The following TAFA2 variants were observed in gnomAD, a reference collection of about 807,000 sequenced individuals.
The protein encoded by TAFA2 is TAFA chemokine like family member 2, also known as chemokine-like protein TAFA-2.
A neutral mutation model predicts 18.8 loss-of-function variants in TAFA2; 7 were observed. That is an observed-to-expected ratio of 0.37 (90% CI 0.21 to 0.70). TAFA2 has a LOEUF of 0.70. Ranked by LOEUF, TAFA2 falls within the 30% of genes least tolerant of loss-of-function variation. The pLI is 0.53. For missense variants in TAFA2, 122 were observed against 158.1 expected, an observed-to-expected ratio of 0.77 and a Z score of 1.23; for synonymous variants, 60 against 54.2, an observed-to-expected ratio of 1.11 and a Z score of -0.47.
chr12:62,235,136 G>GA (rs1237486242), intron 1 of TAFA2: 6 of 652,562 alleles, frequency 9.2e-6, no homozygotes, highest in Non-Finnish European at 1.8e-5. Context: ...GGGGCCCACT[G>GA]AAAATCATCA....
intron 1 of TAFA2, among the ~76,000 whole-genome samples, chr12:62,081,110 G>C (rs1204939164): frequency 6.6e-6 from 1 of 152,124 alleles, no homozygotes. Flanking sequence ...CAGGAGAACA[G>C]CGTGAACCCG....
chr12:61,910,594 G>A (rs1394879061), intron 1 of TAFA2, among the ~76,000 whole-genome samples: 2 of 152,136 alleles, frequency 1.3e-5, no homozygotes, highest in Non-Finnish European at 2.9e-5. Flanking sequence ...TGCCATCAAG[G>A]AGCTCCCATT....
intron 4 of TAFA2, among the ~76,000 whole-genome samples, chr12:61,715,643 C>T (rs533041543): frequency 9.9e-5 from 15 of 151,970 alleles, no homozygotes; most frequent in African/African-American, 2.4e-4. Context: ...TGAGCCACCG[C>T]GCCCAGCCAA....
intron 1 of TAFA2, among the ~76,000 whole-genome samples, chr12:62,017,566 G>C (rs1419196575): frequency 6.6e-6 from 1 of 152,102 alleles, no homozygotes; most frequent in Non-Finnish European, 1.5e-5. Context: ...CAAGACCTAA[G>C]AGTTGGCCAC....
At chr12:62,201,168 G>A (rs1184439585) in intron 1 of TAFA2, among the ~76,000 whole-genome samples, 1 of 152,098 alleles carries the variant, frequency 6.6e-6, no homozygotes, top group African/African-American at 2.4e-5. Flanking sequence ...CTAGATATAG[G>A]ATCATGTTAT....
chr12:61,761,839 T>G (rs948170780), intron 2 of TAFA2, among the ~76,000 whole-genome samples: 1 of 152,076 alleles, frequency 6.6e-6, no homozygotes. Flanking sequence ...AATCCCATGC[T>G]GAAATGTAAT....
At chr12:61,804,845 C>T (rs1004422679) in intron 2 of TAFA2, among the ~76,000 whole-genome samples, 1 of 152,056 alleles carries the variant, frequency 6.6e-6, no homozygotes, top group African/African-American at 2.4e-5. Context: ...ATTTACCTAA[C>T]ATACACACCT....
At chr12:62,038,058 T>C (rs1881656694) in intron 1 of TAFA2, among the ~76,000 whole-genome samples, 1 of 151,996 alleles carries the variant, frequency 6.6e-6, no homozygotes, top group Non-Finnish European at 1.5e-5. Context: ...AAAAATCAAA[T>C]ACACAGAGAG....
intron 1 of TAFA2, among the ~76,000 whole-genome samples, chr12:62,116,644 C>T (rs1486887835): frequency 6.6e-6 from 1 of 152,158 alleles, no homozygotes; most frequent in East Asian, 1.9e-4. Flanking sequence ...TTCTCACGTA[C>T]ATCTGTGATG....
chr12:62,251,406 A>C (rs562073106), intron 1 of TAFA2, among the ~76,000 whole-genome samples: 32 of 152,276 alleles, frequency 2.1e-4, no homozygotes, highest in African/African-American at 6.7e-4. Context: ...GGAAATAGAG[A>C]GTTTAGAAAT....
intron 1 of TAFA2, among the ~76,000 whole-genome samples, chr12:62,203,187 C>T (rs185459269): frequency 1.3e-5 from 2 of 152,330 alleles, no homozygotes; most frequent in Admixed American, 6.5e-5. Context: ...TTTGATTGTG[C>T]TGTGGTCTGA....
chr12:61,866,022 G>A (rs1435446650), intron 2 of TAFA2, among the ~76,000 whole-genome samples: 1 of 152,134 alleles, frequency 6.6e-6, no homozygotes, highest in Non-Finnish European at 1.5e-5. Flanking sequence ...AGACCACAGG[G>A]AATGTCCTCC....
At chr12:61,780,611 A>AC (rs1162597566) in intron 2 of TAFA2, among the ~76,000 whole-genome samples, 1 of 151,548 alleles carries the variant, frequency 6.6e-6, no homozygotes, top group Non-Finnish European at 1.5e-5. Context: ...ATCAAGAAAG[A>AC]CAGGGCCCTG....
At chr12:62,232,264 CA>C (rs2062814845) in intron 1 of TAFA2, among the ~76,000 whole-genome samples, 1 of 152,188 alleles carries the variant, frequency 6.6e-6, no homozygotes, top group Admixed American at 6.5e-5. Flanking sequence ...TCCACTCTCA[CA>C]CCCTGGCCAA....
intron 2 of TAFA2, among the ~76,000 whole-genome samples, chr12:61,822,323 T>C (rs1872354762): frequency 2.0e-5 from 3 of 152,280 alleles, no homozygotes; most frequent in South Asian, 4.1e-4. Flanking sequence ...CATCAATGCA[T>C]ATGTCCATTT....
chr12:62,154,773 AAC>A (rs1288656083), intron 1 of TAFA2, among the ~76,000 whole-genome samples: 2 of 152,050 alleles, frequency 1.3e-5, no homozygotes, highest in African/African-American at 4.8e-5. Context: ...CACACACACA[AAC>A]ACACACATTG....
chr12:61,896,464 C>T (rs571615523), intron 1 of TAFA2, among the ~76,000 whole-genome samples: 31 of 152,304 alleles, frequency 2.0e-4, no homozygotes, highest in African/African-American at 6.3e-4. Context: ...GTTAAATACA[C>T]AGCACTTGGC....
At chr12:62,168,421 T>C (rs2062454416) in intron 1 of TAFA2, among the ~76,000 whole-genome samples, 1 of 152,172 alleles carries the variant, frequency 6.6e-6, no homozygotes, top group South Asian at 2.1e-4. Flanking sequence ...GTTAAAAACA[T>C]GGCAAAGATT....
intron 1 of TAFA2, among the ~76,000 whole-genome samples, chr12:62,008,706 G>T (rs1215791648): frequency 6.6e-6 from 1 of 152,114 alleles, no homozygotes; most frequent in Non-Finnish European, 1.5e-5. Flanking sequence ...AATATTCCTA[G>T]CTGACTTTCT....
Sources: allele counts gnomAD v4.1 joint callset (sites outside exome capture counted in the v4.1 genomes callset), GRCh38; gene constraint gnomAD v4.1.1; transcripts MANE v1.5; gene names NCBI Gene and HGNC (gene_info 2026-07-23, HGNC 2026-07-21).